Variants in DAAM1 observed in about 807,000 individuals in gnomAD.
The protein encoded by DAAM1 is dishevelled associated activator of morphogenesis 1.
DAAM1 carries 52 observed loss-of-function variants against 130.0 expected under a neutral mutation model. The ratio of observed to expected loss-of-function variants is 0.40; its 90% CI spans 0.32 to 0.50. The LOEUF (loss-of-function observed/expected upper bound fraction) is 0.50, where lower values mean the gene tolerates loss of function less well. DAAM1 is among the 20% of genes least tolerant of loss of function. DAAM1 has a pLI of 0.61. For synonymous variants in DAAM1, 452 were observed against 444.5 expected (o/e 1.02, Z -0.21); for missense variants, 1,134 against 1,303.8 (o/e 0.87, Z 2.01).
At chr14:59,367,866 C>T (rs1331851683) in intron 24 of DAAM1, among the ~76,000 whole-genome samples, 1 of 151,978 alleles carries the variant, frequency 6.6e-6, no homozygotes, top group African/African-American at 2.4e-5. Flanking sequence ...CATAAATTTA[C>T]ACAAAAAAGG....
chr14:59,196,080 G>A (rs1381995820), intron 1 of DAAM1, among the ~76,000 whole-genome samples: 3 of 152,186 alleles, frequency 2.0e-5, no homozygotes, highest in African/African-American at 7.2e-5. Flanking sequence ...TTGTCCTCCT[G>A]TGAAGATTAG....
intron 1 of DAAM1, among the ~76,000 whole-genome samples, chr14:59,255,830 C>G (rs1459983052): frequency 6.6e-6 from 1 of 152,168 alleles, no homozygotes; most frequent in African/African-American, 2.4e-5. Context: ...AATTCAATGT[C>G]AAATGCTGTC....
At chr14:59,315,419 C>T in intron 4 of DAAM1, 68 bp downstream of exon 4, 3 of 1,458,386 alleles carry the variant, frequency 2.1e-6, no homozygotes, top group Non-Finnish European at 1.9e-6. Flanking sequence ...TACACAGTTG[C>T]ACAATAAATT....
intron 6 of DAAM1, 26 bp downstream of exon 6, chr14:59,323,251 C>T: frequency 1.3e-6 from 2 of 1,548,820 alleles, no homozygotes; most frequent in Non-Finnish European, 1.7e-6. Flanking sequence ...GCCTTCTTCA[C>T]TCACCCCTTC....
chr14:59,330,726 GCCTCACTGA>G (rs1885396412), intron 13 of DAAM1, 38 bp downstream of exon 13: 1 of 1,559,336 alleles, frequency 6.4e-7, no homozygotes, highest in Non-Finnish European at 8.6e-7. Context: ...AGCTGCCAAG[GCCTCACTGA>G]CCCTAGAGCC....
intron 1 of DAAM1, among the ~76,000 whole-genome samples, chr14:59,203,211 T>C (rs1888166616): frequency 6.7e-6 from 1 of 148,424 alleles, no homozygotes; most frequent in Admixed American, 6.8e-5. Flanking sequence ...GGTTTCACCA[T>C]ATTAGCCAGC....
chr14:59,334,955 GCA>G (rs1240243525), intron 15 of DAAM1, among the ~76,000 whole-genome samples: 3 of 152,120 alleles, frequency 2.0e-5, no homozygotes, highest in African/African-American at 7.2e-5. Context: ...AGTATGATAT[GCA>G]CAGTTCCCAA....
intron 1 of DAAM1, among the ~76,000 whole-genome samples, chr14:59,204,871 AAAAT>A (rs1256041102): frequency 1.2e-4 from 18 of 152,220 alleles, no homozygotes; most frequent in Admixed American, 5.9e-4. Flanking sequence ...CTCTCTTAAA[AAAAT>A]AAATAAATAA....
At chr14:59,297,149 C>T (rs12878138) in intron 3 of DAAM1, among the ~76,000 whole-genome samples, 6,430 of 152,264 alleles carry the variant, frequency 0.042, 213 homozygotes, top group Middle Eastern at 0.078. Flanking sequence ...CCATTCTTCC[C>T]CCATGATTCT....
rs1886430511 is a variant in DAAM1 at position 59,355,216 on chromosome 14, T to G, written c.2408T>G (p.Leu803Trp). Reference sequence around the variant, plus strand: ...TTTAGGAGTGGTGCCCTCAAGCAGTTGCTGGAGGTGGTTTTGGCATTTGGA... The same window carrying G: ...TTTAGGAGTGGTGCCCTCAAGCAGTGGCTGGAGGTGGTTTTGGCATTTGGA... ...EVFRSGALKQ[L>W]LEVVLAFGNY... Residue 803 changes from leucine to tryptophan, a missense_variant, in exon 20 of 25, where the codon TTG becomes TGG. This residue lies in a region of DAAM1 where 644 missense variants were observed against 695.9 expected (regional missense o/e 0.93). Coordinates refer to ENST00000360909, the MANE Select transcript of DAAM1 (RefSeq NM_001270520.2). The G allele has an allele frequency of 1.9e-6, 3 of 1,614,048 alleles. No individual in the cohort carries two copies. Among genetic ancestry groups the G allele is most frequent in the Non-Finnish European group, 2.5e-6 (3 of 1,180,026 alleles).
At chr14:59,359,585 G>A in intron 21 of DAAM1, 81 bp downstream of exon 21, 1 of 992,650 alleles carries the variant, frequency 1.0e-6, no homozygotes, top group Non-Finnish European at 1.5e-6. Flanking sequence ...ACTGCATGAA[G>A]TCAGTCCTTC....
At position 59,370,519 on chromosome 14, in the gene DAAM1, C is replaced by A. The variant is rs145077206; in HGVS notation, c.*1660C>A. On this transcript the variant is annotated 3_prime_UTR_variant, in exon 25 of 25. Coordinates refer to ENST00000360909, the MANE Select transcript of DAAM1 (RefSeq NM_001270520.2). ...AAACTATAATGCTTAGCACAGATGG[C>A]GAGTTATCTGTGCTATGTGAAAGCT... is the stretch of plus-strand genomic sequence containing the variant. 1 of 151,962 alleles carries A rather than the reference C, an allele frequency of 6.6e-6. No homozygotes were observed. Among genetic ancestry groups the A allele is most frequent in the Non-Finnish European group, 1.5e-5 (1 of 67,956 alleles). 9.4% of individuals were successfully genotyped at this position (151,962 alleles called of 1,614,324 possible).
intron 3 of DAAM1, among the ~76,000 whole-genome samples, chr14:59,303,769 G>A (rs572561797): frequency 7.9e-5 from 12 of 152,224 alleles, no homozygotes; most frequent in South Asian, 2.1e-4. Flanking sequence ...GCATGGTGGC[G>A]TGTGCCTGTA....
At position 59,363,658 on chromosome 14, in the gene DAAM1, AATAT is replaced by A; in HGVS notation, c.2703_2706del (p.Glu901AspfsTer23). The A allele has an allele frequency of 3.1e-6, 5 of 1,614,080 alleles. No homozygotes were observed. The highest frequency in any genetic ancestry group is 4.2e-6 in the Non-Finnish European group (5 of 1,179,970). On this transcript the variant is annotated frameshift_variant, in exon 23 of 25. Coordinates refer to ENST00000360909, the MANE Select transcript of DAAM1 (RefSeq NM_001270520.2). LOFTEE classifies it high-confidence loss of function. ...TCATTTCCTGTGTTTAAGGAGCTGG[AATAT>A]CAGAAGTCTCAGCCCCCACAGCCCG...
intron 15 of DAAM1, among the ~76,000 whole-genome samples, chr14:59,339,708 G>C (rs76632307): frequency 1.8e-3 from 268 of 152,284 alleles, no homozygotes; most frequent in African/African-American, 6.1e-3. Flanking sequence ...GCAAGCCTCA[G>C]CTGAGCCTGA....
chr14:59,211,744 GT>G (rs1888431646), intron 1 of DAAM1, among the ~76,000 whole-genome samples: 1 of 152,074 alleles, frequency 6.6e-6, no homozygotes, highest in Non-Finnish European at 1.5e-5. Context: ...ATTATGAGAT[GT>G]TTTATCTTAA....
chr14:59,347,498 C>A, intron 16 of DAAM1, 41 bp from the exon 17 acceptor site: 1 of 1,575,242 alleles, frequency 6.3e-7, no homozygotes, highest in Non-Finnish European at 8.7e-7. Context: ...AATTTTAATA[C>A]TCAAACCAAT....
rs1885194412 is a variant in DAAM1 at position 59,326,139 on chromosome 14, CT to C, written c.1174+63del. The C allele has an allele frequency of 2.7e-6, 4 of 1,483,286 alleles. No homozygotes were observed. In the South Asian group the frequency reaches 4.6e-5, roughly 17 times the overall value. 91.9% of individuals were successfully genotyped at this position (1,483,286 alleles called of 1,614,324 possible). ...TGTTTGGACATTGTCCTAATGGGTTCTGGCTCCTGCACAGTGCTGATTACAT... is the reference window on the plus strand; with the variant it reads ...TGTTTGGACATTGTCCTAATGGGTTCGGCTCCTGCACAGTGCTGATTACAT... On this transcript the variant is annotated intron_variant, in intron 10 of 24. Transcript: ENST00000360909.
chr14:59,282,313 G>GTGCCT (rs1883257265), intron 2 of DAAM1, among the ~76,000 whole-genome samples: 1 of 152,102 alleles, frequency 6.6e-6, no homozygotes, highest in South Asian at 2.1e-4. Context: ...ATAGCTTTTT[G>GTGCCT]AACCCTGTGC....
Sources: allele counts gnomAD v4.1 joint callset (sites outside exome capture counted in the v4.1 genomes callset), GRCh38; gene constraint gnomAD v4.1.1; regional missense constraint gnomAD v4.1.1; transcripts MANE v1.5; gene names NCBI Gene and HGNC (gene_info 2026-07-23, HGNC 2026-07-21).